Variants in PTCHD4 observed in about 807,000 individuals in gnomAD.
The protein encoded by PTCHD4 is patched domain containing 4.
A neutral mutation model predicts 58.1 loss-of-function variants in PTCHD4; 33 were observed. The observed-to-expected ratio is 0.57, with a 90% CI of 0.43 to 0.76. The LOEUF is 0.76. Among genes scored for constraint, PTCHD4 ranks in the 30% least tolerant of loss-of-function variants. PTCHD4 has a pLI of 0.00. For synonymous variants in PTCHD4, 478 were observed against 409.6 expected, an observed-to-expected ratio of 1.17 and a Z score of -2.02; for missense variants, 1,058 against 1,027.1, an observed-to-expected ratio of 1.03 and a Z score of -0.41.
intron 1 of PTCHD4, among the ~76,000 whole-genome samples, 172 bp downstream of exon 1, chr6:48,110,877 C>T (rs1765861303): frequency 6.7e-6 from 1 of 149,998 alleles, no homozygotes; most frequent in East Asian, 2.0e-4. Context: ...ACTTAAGATG[C>T]CTCTCATTCT....
At chr6:48,095,883 G>T (rs570858867) in intron 1 of PTCHD4, among the ~76,000 whole-genome samples, 3 of 152,034 alleles carry the variant, frequency 2.0e-5, no homozygotes, top group African/African-American at 7.2e-5. Context: ...CTGTGATTTT[G>T]GAACCTAACC....
intron 4 of PTCHD4, among the ~76,000 whole-genome samples, chr6:47,910,634 A>G (rs1765039587): frequency 6.6e-6 from 1 of 152,074 alleles, no homozygotes; most frequent in Non-Finnish European, 1.5e-5. Context: ...TTGTGAGTCT[A>G]CATATTTTTT....
chr6:47,893,627 C>T (rs367981855), intron 4 of PTCHD4, among the ~76,000 whole-genome samples: 19 of 152,268 alleles, frequency 1.2e-4, no homozygotes, highest in East Asian at 7.7e-4. Context: ...GAGAGAATAA[C>T]AGTATCTGCT....
At chr6:48,087,421 T>G (rs1765285048) in intron 1 of PTCHD4, among the ~76,000 whole-genome samples, 1 of 152,216 alleles carries the variant, frequency 6.6e-6, no homozygotes, top group African/African-American at 2.4e-5. Context: ...TGTCTACTAA[T>G]ATAAGTTACT....
intron 4 of PTCHD4, among the ~76,000 whole-genome samples, chr6:47,976,319 C>T (rs1181923899): frequency 6.6e-6 from 1 of 152,096 alleles, no homozygotes; most frequent in Non-Finnish European, 1.5e-5. Flanking sequence ...CTGCTAAAAT[C>T]TCAATGCAGC....
intron 3 of PTCHD4, among the ~76,000 whole-genome samples, chr6:48,057,745 A>G (rs1582089875): frequency 6.6e-6 from 1 of 152,226 alleles, no homozygotes. Flanking sequence ...ATGTAATGAT[A>G]ACTGAAACTA....
intron 4 of PTCHD4, among the ~76,000 whole-genome samples, chr6:47,966,074 T>C (rs1317450774): frequency 2.0e-5 from 3 of 152,210 alleles, no homozygotes; most frequent in Non-Finnish European, 4.4e-5. Flanking sequence ...GATAACCTTG[T>C]TTGTTGGTTT....
Position 47,871,072 on chromosome 6 carries a change from A to T in PTCHD4, c.*7231T>A, listed in dbSNP as rs1175341566. 6.6e-6 allele frequency among the ~76,000 whole-genome samples: 1 copy of T among 151,604 alleles called. No homozygotes were observed. Among genetic ancestry groups the T allele is most frequent in the Non-Finnish European group, 1.5e-5 (1 of 67,702 alleles). ...ACTGGTATTTTGTCTAGCTAGGATT[A>T]AGAACAAGTGGGTTTTGTTTTAGGA... On this transcript the variant is annotated 3_prime_UTR_variant, in exon 5 of 5. Transcript: ENST00000339488.
intron 4 of PTCHD4, among the ~76,000 whole-genome samples, chr6:47,974,431 C>T (rs1223989303): frequency 6.6e-6 from 1 of 152,070 alleles, no homozygotes; most frequent in Admixed American, 6.6e-5. Context: ...ATGGTCTGTG[C>T]CAAATAAGCA....
At chr6:48,059,325 T>C (rs1031227317) in intron 3 of PTCHD4, among the ~76,000 whole-genome samples, 1 of 152,048 alleles carries the variant, frequency 6.6e-6, no homozygotes, top group Admixed American at 6.6e-5. Flanking sequence ...TAAGGGCTAT[T>C]ATGAGGGAAG....
At chr6:48,032,581 G>A (rs1406241375) in intron 3 of PTCHD4, among the ~76,000 whole-genome samples, 1 of 152,066 alleles carries the variant, frequency 6.6e-6, no homozygotes, top group Non-Finnish European at 1.5e-5. Flanking sequence ...TATTTACAAA[G>A]CAATAACATA....
At chr6:48,107,019 T>C (rs1393156953) in intron 1 of PTCHD4, among the ~76,000 whole-genome samples, 1 of 152,152 alleles carries the variant, frequency 6.6e-6, no homozygotes, top group African/African-American at 2.4e-5. Context: ...AAAATAGCCA[T>C]ACTGCCCAAG....
In PTCHD4 at chr6:47,862,751, G is replaced by T. The variant is rs148734517; in HGVS notation, c.*15552C>A. Among the ~76,000 whole-genome samples, 674 of 151,912 alleles carry T rather than the reference G, an allele frequency of 4.4e-3. 4 individuals are homozygous for T. Among genetic ancestry groups the T allele is most frequent in the African/African-American group, 0.015 (627 of 41,506 alleles). ...CAATATTGTTTAGAAAATAAGAACT[G>T]ATTTCCACACAGACCCATTAATACT... On this transcript the variant is annotated 3_prime_UTR_variant, in exon 5 of 5. Coordinates refer to ENST00000339488, the MANE Select transcript of PTCHD4 (RefSeq NM_001384253.1).
intron 4 of PTCHD4, among the ~76,000 whole-genome samples, chr6:47,910,671 C>G (rs1211702932): frequency 6.6e-6 from 1 of 152,018 alleles, no homozygotes; most frequent in East Asian, 1.9e-4. Flanking sequence ...ATCATTATAG[C>G]CCTCCCTCCT....
At chr6:48,052,086 T>C (rs1217551447) in intron 3 of PTCHD4, among the ~76,000 whole-genome samples, 1 of 152,018 alleles carries the variant, frequency 6.6e-6, no homozygotes, top group African/African-American at 2.4e-5. Flanking sequence ...TACATCTCTT[T>C]TGAGAATAGT....
intron 1 of PTCHD4, among the ~76,000 whole-genome samples, chr6:48,076,694 G>C (rs1366653809): frequency 6.6e-6 from 1 of 152,220 alleles, no homozygotes; most frequent in East Asian, 1.9e-4. Flanking sequence ...ATGTAAAGGA[G>C]TTTAATTGAG....
At chr6:48,010,096 A>G (rs1762612144) in intron 3 of PTCHD4, among the ~76,000 whole-genome samples, 1 of 152,228 alleles carries the variant, frequency 6.6e-6, no homozygotes, top group South Asian at 2.1e-4. Context: ...TGCCACAACT[A>G]TCATTTATTT....
chr6:47,967,451 T>G (rs1182210996), intron 4 of PTCHD4, among the ~76,000 whole-genome samples: 1 of 152,196 alleles, frequency 6.6e-6, no homozygotes, highest in Non-Finnish European at 1.5e-5. Context: ...AGCATTGGCT[T>G]CAATTTAAAG....
In PTCHD4 at chr6:47,859,651, G is replaced by A. The variant is rs1179592118; in HGVS notation, c.*18652C>T. Among the ~76,000 whole-genome samples, 4 of 150,010 alleles carry A rather than the reference G, an allele frequency of 2.7e-5. No homozygotes were observed. The Admixed American group carries it at 2.7e-4, about 10-fold the overall frequency. On this transcript the variant is annotated 3_prime_UTR_variant, in exon 5 of 5. Coordinates refer to ENST00000339488, the MANE Select transcript of PTCHD4 (RefSeq NM_001384253.1). The stretch of plus-strand genomic sequence containing the variant: ...GTTTACAGAGCAGAAAAATATCTCT[G>A]CCCCCTTAGAGCTTTCAATTTACTG...
Sources: gnomAD v4.1 joint callset for allele counts (sites outside exome capture counted in the v4.1 genomes callset) on GRCh38, gnomAD v4.1.1 for gene constraint, MANE v1.5 for transcripts, NCBI Gene and HGNC (gene_info 2026-07-23, HGNC 2026-07-21) for gene names.